Variants in ABCB7 observed in about 807,000 individuals in gnomAD.
ABCB7 encodes the protein iron-sulfur clusters transporter ABCB7, mitochondrial.
Under a neutral mutation model 54.4 loss-of-function variants are expected in ABCB7, and 7 were observed. The observed-to-expected ratio is 0.13, with a 90% CI of 0.07 to 0.24. The LOEUF (loss-of-function observed/expected upper bound fraction) is 0.24. ABCB7 is among the 10% of genes least tolerant of loss of function. ABCB7 has a pLI of 1.00. For missense variants in ABCB7, 356 were observed against 570.4 expected (o/e 0.62, Z 3.83); for synonymous variants, 218 against 207.1 (o/e 1.05, Z -0.45).
intron 3 of ABCB7, among the ~76,000 whole-genome samples, chrX:75,106,107 C>A (rs2081698366): frequency 9.0e-6 from 1 of 111,443 alleles, no homozygotes; most frequent in Non-Finnish European, 1.9e-5. Context: ...TAAAAACAGA[C>A]AAATGGGACT....
In ABCB7 at chrX:75,108,872, A is replaced by G. The variant is rs2081730506; in HGVS notation, c.333+4014T>C. ...TTCAAACACATGATGGGAAATTCTT[A>G]TTAATATCCTAGAGGCAATACCTAA... On this transcript the variant is annotated intron_variant, in intron 3 of 15. Transcript: ENST00000373394. 2.7e-5 allele frequency among the ~76,000 whole-genome samples: 3 copies of G among 111,853 alleles called. No homozygotes were observed. The South Asian group carries it at 1.1e-3, about 42-fold the overall frequency.
intron 4 of ABCB7, among the ~76,000 whole-genome samples, chrX:75,095,510 G>T (rs189178901): frequency 1.5e-4 from 17 of 112,739 alleles, no homozygotes; most frequent in African/African-American, 5.5e-4. Flanking sequence ...CTTTTAAACG[G>T]ACACTCCGCA....
chrX:75,134,994 G>T (rs1360741690), intron 1 of ABCB7, among the ~76,000 whole-genome samples: 6 of 110,274 alleles, frequency 5.4e-5, no homozygotes, highest in Non-Finnish European at 1.1e-4. Context: ...GAATAAAATG[G>T]AGATGAGAAA....
chrX:75,111,223 A>G (rs1484657134), intron 3 of ABCB7, among the ~76,000 whole-genome samples: 1 of 112,531 alleles, frequency 8.9e-6, no homozygotes, highest in East Asian at 2.8e-4. Context: ...AAGTTTCTAG[A>G]CAGCAGAGAT....
intron 3 of ABCB7, among the ~76,000 whole-genome samples, chrX:75,105,150 T>C (rs1365473039): frequency 9.0e-6 from 1 of 111,005 alleles, no homozygotes; most frequent in Non-Finnish European, 1.9e-5. Flanking sequence ...ACCACTCCTA[T>C]TCAACATCTT....
At chrX:75,093,879 C>T (rs2081563952) in intron 4 of ABCB7, among the ~76,000 whole-genome samples, 1 of 107,580 alleles carries the variant, frequency 9.3e-6, no homozygotes, top group African/African-American at 3.4e-5. Flanking sequence ...TGAAGAAGTA[C>T]ATAAATGTTT....
intron 12 of ABCB7, among the ~76,000 whole-genome samples, chrX:75,067,427 C>T (rs1206021958): frequency 1.8e-5 from 2 of 111,865 alleles, no homozygotes; most frequent in African/African-American, 6.5e-5. Flanking sequence ...TAAGTAGTCA[C>T]AGCTCAGAAT....
intron 1 of ABCB7, among the ~76,000 whole-genome samples, chrX:75,118,664 G>A (rs771437854): frequency 1.2e-4 from 13 of 111,474 alleles, no homozygotes; most frequent in Non-Finnish European, 1.7e-4. Context: ...TTTGCATTAT[G>A]AGAGAACTTT....
chrX:75,110,702 T>C (rs1013340943), intron 3 of ABCB7, among the ~76,000 whole-genome samples: 8 of 112,019 alleles, frequency 7.1e-5, no homozygotes, highest in African/African-American at 1.9e-4. Flanking sequence ...AGCAGATGCC[T>C]CTTCAAAGCA....
chrX:75,108,362 A>T (rs1024378468), intron 3 of ABCB7, among the ~76,000 whole-genome samples: 1 of 111,617 alleles, frequency 9.0e-6, no homozygotes, highest in Non-Finnish European at 1.9e-5. Flanking sequence ...AGTCCCAGGG[A>T]CTTACCAAAC....
intron 1 of ABCB7, among the ~76,000 whole-genome samples, chrX:75,128,715 C>G (rs1197194267): frequency 8.9e-6 from 1 of 111,797 alleles, no homozygotes; most frequent in African/African-American, 3.3e-5. Context: ...GGCTAATATC[C>G]AGAATCTACA....
At position 75,076,568 on chromosome X, in the gene ABCB7, A is replaced by T. The variant is rs746730685; in HGVS notation, c.540T>A (p.Asp180Glu). The T allele has an allele frequency of 3.3e-6, 4 of 1,209,797 alleles. No individual in the cohort carries two copies. The East Asian group carries it at 1.2e-4, about 36-fold the overall frequency. ...CCATGGTTGCAACTGTATTTGGTGC[A>T]TCACTCAGGTTCAGCATGTTTCCCG... The part of the protein sequence containing the change: ...QMSGNMLNLS[D>E]APNTVATMAT... Residue 180 changes from aspartate (D) to glutamate (E), a missense_variant, in exon 5 of 16, where the codon GAT (aspartate) becomes GAA (glutamate). Transcript: ENST00000373394.
At chrX:75,078,852 C>T (rs776906779) in intron 4 of ABCB7, among the ~76,000 whole-genome samples, 6 of 111,762 alleles carry the variant, frequency 5.4e-5, no homozygotes, top group Non-Finnish European at 9.4e-5. Flanking sequence ...ACTGTTTAAA[C>T]CAGCTATAGC....
intron 13 of ABCB7, 38 bp downstream of exon 13, chrX:75,065,032 G>A (rs1327268544): frequency 4.2e-6 from 5 of 1,198,188 alleles, no homozygotes; most frequent in Non-Finnish European, 4.5e-6. Context: ...TTTGAAAGAA[G>A]TATACAAGAA....
intron 1 of ABCB7, among the ~76,000 whole-genome samples, chrX:75,122,701 C>G (rs779959349): frequency 8.9e-6 from 1 of 112,182 alleles, no homozygotes; most frequent in South Asian, 3.7e-4. Flanking sequence ...ATCTTTTTGG[C>G]AATAGCTATC....
chrX:75,075,267 C>A (rs1036639385), intron 6 of ABCB7, 95 bp downstream of exon 6: 2 of 1,037,664 alleles, frequency 1.9e-6, no homozygotes, highest in Admixed American at 2.7e-5. Context: ...TGCTTTCAAG[C>A]CCATGGGCAT....
At chrX:75,123,698 T>C (rs757499020) in intron 1 of ABCB7, among the ~76,000 whole-genome samples, 34 of 111,886 alleles carry the variant, frequency 3.0e-4, no homozygotes, top group Non-Finnish European at 2.8e-4. Context: ...CAGTGCTTCA[T>C]AGTTTTGAGT....
At chrX:75,077,674 C>T (rs1204365347) in intron 4 of ABCB7, among the ~76,000 whole-genome samples, 8 of 111,388 alleles carry the variant, frequency 7.2e-5, no homozygotes, top group Non-Finnish European at 3.8e-5. Context: ...TATCAAGATT[C>T]CAAGGTAACG....
intron 4 of ABCB7, among the ~76,000 whole-genome samples, chrX:75,078,207 A>G (rs1267753804): frequency 9.1e-6 from 1 of 110,192 alleles, no homozygotes; most frequent in Non-Finnish European, 1.9e-5. Context: ...TTCTTCTTGA[A>G]ATGGTCTCCT....
Sources: allele counts gnomAD v4.1 joint callset (sites outside exome capture counted in the v4.1 genomes callset), GRCh38; gene constraint gnomAD v4.1.1; transcripts MANE v1.5; gene names NCBI Gene and HGNC (gene_info 2026-07-23, HGNC 2026-07-21).